Variants in TRDN observed in about 807,000 individuals in gnomAD.
TRDN encodes the protein triadin in skeletal muscle.
TRDN carries 161 observed loss-of-function variants against 149.7 expected under a neutral mutation model. The ratio of observed to expected loss-of-function variants is 1.08; its 90% confidence interval spans 0.95 to 1.23. The LOEUF (loss-of-function observed/expected upper bound fraction) is 1.23. Ranked by LOEUF, TRDN falls within the 50% of genes most tolerant of loss-of-function variation. The probability of loss-of-function intolerance (pLI) is 0.00; values close to 1 mark genes in which losing one functional copy is unlikely to be tolerated. For missense variants in TRDN, 896 were observed against 823.5 expected (o/e 1.09, Z -1.08); for synonymous variants, 294 against 250.5 (o/e 1.17, Z -1.64).
At chr6:123,464,213 A>G in intron 10 of TRDN, 5 of 949,576 alleles carry the variant, frequency 5.3e-6, no homozygotes, top group South Asian at 4.9e-5. Flanking sequence ...GGATTTAATA[A>G]AAGTTTAAGA....
rs1169185783 is a variant in TRDN at position 123,235,423 on chromosome 6, A to T, written c.1976-11292T>A. The stretch of plus-strand genomic sequence containing the variant: ...AATGGTAAGGAACTGCTGGGAGTGG[A>T]ATAAAAGTTGAGCAAGACAGGGTCA... On this transcript the variant is annotated intron_variant, in intron 38 of 40. Transcript: ENST00000334268. Among the ~76,000 whole-genome samples the T allele has an allele frequency of 2.6e-5, 4 of 152,246 alleles. No homozygotes were observed. In the East Asian group the frequency reaches 7.8e-4, roughly 30 times the overall value.
intron 2 of TRDN, among the ~76,000 whole-genome samples, chr6:123,553,121 G>A (rs189801350): frequency 1.3e-5 from 2 of 152,266 alleles, no homozygotes; most frequent in East Asian, 3.9e-4. Context: ...AAGCAAGATT[G>A]TCTGTTGAAT....
At chr6:123,355,143 A>T (rs1780613953) in intron 20 of TRDN, among the ~76,000 whole-genome samples, 1 of 151,466 alleles carries the variant, frequency 6.6e-6, no homozygotes, top group East Asian at 1.9e-4. Flanking sequence ...ATTTGTATGC[A>T]TCTGTAATAT....
intron 10 of TRDN, chr6:123,457,643 C>T: frequency 2.4e-6 from 1 of 418,430 alleles, no homozygotes; most frequent in Non-Finnish European, 4.7e-6. Flanking sequence ...TTAATACTTA[C>T]CTACTTTTCC....
intron 12 of TRDN, among the ~76,000 whole-genome samples, chr6:123,431,737 G>A (rs1018178698): frequency 6.6e-6 from 1 of 152,028 alleles, no homozygotes; most frequent in African/African-American, 2.4e-5. Context: ...TTTAAAATAG[G>A]TTTCTTTTAG....
At chr6:123,481,212 C>A (rs749929234) in intron 9 of TRDN, among the ~76,000 whole-genome samples, 1 of 152,044 alleles carries the variant, frequency 6.6e-6, no homozygotes, top group African/African-American at 2.4e-5. Context: ...AGTATGAGAT[C>A]ACAGACAACT....
chr6:123,236,403 C>G (rs573696863), intron 38 of TRDN, among the ~76,000 whole-genome samples: 2 of 152,106 alleles, frequency 1.3e-5, no homozygotes, highest in East Asian at 3.9e-4. Flanking sequence ...AACACAAGGC[C>G]TTTGTTGGAT....
At position 123,381,956 on chromosome 6, in the gene TRDN, G is replaced by GCT. The variant is rs55997261; in HGVS notation, c.1165+160_1165+161dup. 0.18 allele frequency among the ~76,000 whole-genome samples: 24,840 copies of GCT among 138,254 alleles called. 2,729 individuals are homozygous for GCT. Among genetic ancestry groups the GCT allele is most frequent in the East Asian group, 0.59 (2,713 of 4,600 alleles). 90.7% of individuals were successfully genotyped at this position (138,254 alleles called of 152,430 possible). The stretch of plus-strand genomic sequence containing the variant: ...GCAGTATTGTCAGAATAGATTTGGC[G>GCT]CTCTCTCTCTCTCTCTCTCTCTCTC... On this transcript the variant is annotated intron_variant, in intron 15 of 40. Coordinates refer to ENST00000334268, the MANE Select transcript of TRDN (RefSeq NM_006073.4).
chr6:123,482,445 A>C (rs1356783695), intron 9 of TRDN, among the ~76,000 whole-genome samples: 1 of 152,208 alleles, frequency 6.6e-6, no homozygotes, highest in African/African-American at 2.4e-5. Context: ...GAAGTCATCC[A>C]ATCTCTCTTC....
intron 19 of TRDN, among the ~76,000 whole-genome samples, chr6:123,366,929 T>C (rs1431296414): frequency 6.6e-6 from 1 of 152,222 alleles, no homozygotes; most frequent in African/African-American, 2.4e-5. Context: ...TTAATACTGA[T>C]TGCAAGCAAA....
At chr6:123,286,148 T>A (rs2114641289) in intron 24 of TRDN, among the ~76,000 whole-genome samples, 1 of 152,264 alleles carries the variant, frequency 6.6e-6, no homozygotes, top group South Asian at 2.1e-4. Context: ...AGAACTATCA[T>A]TTGATCCTTC....
intron 9 of TRDN, among the ~76,000 whole-genome samples, chr6:123,472,221 C>T (rs757915194): frequency 2.6e-5 from 4 of 152,156 alleles, no homozygotes; most frequent in South Asian, 2.1e-4. Flanking sequence ...TCAGTGGGTG[C>T]GCGCACCGTG....
At chr6:123,557,678 C>A (rs1005284287) in intron 2 of TRDN, among the ~76,000 whole-genome samples, 1 of 152,148 alleles carries the variant, frequency 6.6e-6, no homozygotes, top group East Asian at 1.9e-4. Flanking sequence ...AGGTGTGTGA[C>A]CACGTGGGAA....
At position 123,623,952 on chromosome 6, in the gene TRDN, A is replaced by T. The variant is rs1446440952; in HGVS notation, c.22+12802T>A. Among the ~76,000 whole-genome samples the T allele has an allele frequency of 2.6e-5, 4 of 152,096 alleles. No homozygotes were observed. The South Asian group carries it at 6.2e-4, about 24-fold the overall frequency. ...AAGAAACCAAGAAACCTATCTCACA[A>T]TTTTTGTATATAACTTTATACATAC... is the stretch of plus-strand genomic sequence containing the variant. On this transcript the variant is annotated intron_variant, in intron 1 of 40. Coordinates refer to ENST00000334268, the MANE Select transcript of TRDN (RefSeq NM_006073.4).
chr6:123,241,706 C>A (rs960626827), intron 38 of TRDN, among the ~76,000 whole-genome samples: 1 of 151,926 alleles, frequency 6.6e-6, no homozygotes, highest in African/African-American at 2.4e-5. Flanking sequence ...TAGTAAACTT[C>A]TAGAAAAGAC....
chr6:123,551,308 T>C (rs1228294123), intron 2 of TRDN, among the ~76,000 whole-genome samples: 12 of 147,572 alleles, frequency 8.1e-5, no homozygotes, highest in African/African-American at 2.8e-4. Context: ...TTTCTGATTT[T>C]CAGCCATGTG....
At chr6:123,316,432 T>G in intron 24 of TRDN, 25 bp downstream of exon 24, 1 of 1,605,494 alleles carries the variant, frequency 6.2e-7, no homozygotes, top group Non-Finnish European at 8.5e-7. Flanking sequence ...TCTCCTTGTA[T>G]GTAAATCTTA....
chr6:123,480,887 T>C (rs1372227989), intron 9 of TRDN, among the ~76,000 whole-genome samples: 7 of 152,024 alleles, frequency 4.6e-5, no homozygotes. Flanking sequence ...ACTAAAAAGG[T>C]TATTGACAGA....
At chr6:123,365,843 C>G (rs1305673442) in intron 20 of TRDN, among the ~76,000 whole-genome samples, 2 of 152,120 alleles carry the variant, frequency 1.3e-5, no homozygotes, top group East Asian at 3.9e-4. Flanking sequence ...AGAATGCTCT[C>G]CAGATGATGG....
Sources: gnomAD v4.1 joint callset for allele counts (sites outside exome capture counted in the v4.1 genomes callset) on GRCh38, gnomAD v4.1.1 for gene constraint, MANE v1.5 for transcripts, NCBI Gene and HGNC (gene_info 2026-07-23, HGNC 2026-07-21) for gene names.